MYRIP: variants seen among roughly 807,000 people sequenced by gnomAD.
MYRIP encodes rab effector MyRIP.
In MYRIP, 49 loss-of-function variants were observed where a neutral mutation model predicts 98.0. The ratio of observed to expected loss-of-function variants is 0.50; its 90% confidence interval spans 0.40 to 0.63. The LOEUF is 0.63. Ranked by LOEUF, MYRIP falls within the 30% of genes least tolerant of loss-of-function variation. The pLI, the probability that MYRIP is intolerant of heterozygous loss-of-function variation, is 0.00. For synonymous variants in MYRIP, 404 were observed against 409.5 expected (o/e 0.99, Z 0.16); for missense variants, 1,004 against 1,058.2 (o/e 0.95, Z 0.71).
At chr3:40,160,603 C>T (rs1296103914) in intron 4 of MYRIP, among the ~76,000 whole-genome samples, 1 of 152,212 alleles carries the variant, frequency 6.6e-6, no homozygotes, top group East Asian at 1.9e-4. Context: ...CTCGCTGCCA[C>T]CTTGCAGTTT....
intron 2 of MYRIP, among the ~76,000 whole-genome samples, chr3:39,986,125 A>G (rs560575981): frequency 3.9e-5 from 6 of 152,258 alleles, no homozygotes; most frequent in African/African-American, 1.4e-4. Flanking sequence ...TCACACCTCT[A>G]TTTCTGCACA....
intron 3 of MYRIP, among the ~76,000 whole-genome samples, chr3:40,072,788 G>A (rs1345977560): frequency 1.3e-5 from 2 of 151,656 alleles, no homozygotes; most frequent in Non-Finnish European, 2.9e-5. Context: ...CTTGCTTTGT[G>A]GTCCAGTATA....
rs9857935 is a variant in MYRIP, at chr3:40,182,124, T to C, written c.874-96T>C. On this transcript the variant is annotated intron_variant, in intron 8 of 16. Transcript: ENST00000302541. ...AGCCATTACCATTAAACATGTTTTC[T>C]CCATGCTGGACAATGTCTGCCCCCA... 18,945 of 1,318,558 alleles carry C rather than the reference T, an allele frequency of 0.014. 2,079 individuals are homozygous for C. In the African/African-American group the frequency reaches 0.24, roughly 17 times the overall value. The allele number at this position is 1,318,558 out of a possible 1,614,324, so 81.7% of individuals were successfully genotyped here. A position where few individuals can be genotyped will look rare whatever the true frequency, so the allele number is the denominator to read the frequency against.
chr3:40,120,751 G>C (rs1949385944), intron 3 of MYRIP, among the ~76,000 whole-genome samples: 1 of 152,170 alleles, frequency 6.6e-6, no homozygotes, highest in African/African-American at 2.4e-5. Context: ...TGCAGCTACA[G>C]CAAGAACAGC....
chr3:39,925,628 A>G (rs893290809), intron 2 of MYRIP, among the ~76,000 whole-genome samples: 24 of 152,066 alleles, frequency 1.6e-4, no homozygotes, highest in African/African-American at 5.8e-4. Flanking sequence ...GATGCCCTCT[A>G]GCTGTATCCA....
At chr3:39,995,688 A>C (rs914880161) in intron 2 of MYRIP, among the ~76,000 whole-genome samples, 29 of 152,130 alleles carry the variant, frequency 1.9e-4, no homozygotes, top group Non-Finnish European at 3.8e-4. Flanking sequence ...ACAATGAATG[A>C]CGCAAAGATA....
intron 2 of MYRIP, among the ~76,000 whole-genome samples, chr3:39,940,232 C>T (rs1482528868): frequency 2.6e-5 from 4 of 151,868 alleles, no homozygotes; most frequent in African/African-American, 7.3e-5. Context: ...TTCCTTTATA[C>T]TCTATTGTAT....
chr3:39,948,169 A>G (rs1430508541), intron 2 of MYRIP, among the ~76,000 whole-genome samples: 1 of 152,208 alleles, frequency 6.6e-6, no homozygotes, highest in Admixed American at 6.6e-5. Flanking sequence ...ACCACCAGTC[A>G]GAACAACCTA....
intron 1 of MYRIP, among the ~76,000 whole-genome samples, chr3:39,834,516 T>C (rs1238405537): frequency 1.3e-5 from 2 of 152,182 alleles, no homozygotes; most frequent in Non-Finnish European, 2.9e-5. Flanking sequence ...AAAGAAAGAA[T>C]CTATTGGTAA....
intron 3 of MYRIP, among the ~76,000 whole-genome samples, chr3:40,065,953 C>T (rs1225735940): frequency 6.6e-6 from 1 of 152,150 alleles, no homozygotes; most frequent in Non-Finnish European, 1.5e-5. Flanking sequence ...GGGGCCAATA[C>T]TGGAGAAATG....
At chr3:40,198,386 G>C (rs1037916113) in intron 10 of MYRIP, among the ~76,000 whole-genome samples, 4 of 152,172 alleles carry the variant, frequency 2.6e-5, no homozygotes, top group Non-Finnish European at 5.9e-5. Flanking sequence ...AGAATACTGG[G>C]AGGAGGGTCA....
intron 3 of MYRIP, among the ~76,000 whole-genome samples, chr3:40,117,231 G>T (rs765761254): frequency 6.6e-6 from 1 of 152,136 alleles, no homozygotes; most frequent in African/African-American, 2.4e-5. Context: ...ATCATACACC[G>T]GTTATGTAAA....
At chr3:39,913,009 C>T (rs143095882) in intron 2 of MYRIP, among the ~76,000 whole-genome samples, 84 of 151,872 alleles carry the variant, frequency 5.5e-4, no homozygotes, top group African/African-American at 1.8e-3. Flanking sequence ...CACTGCACTC[C>T]AGCCTGGGTG....
At position 40,081,087 on chromosome 3, in the gene MYRIP, T is replaced by C. The variant is rs530846075; in HGVS notation, c.332+36816T>C. Among the ~76,000 whole-genome samples, 9 of 152,280 alleles carry C rather than the reference T, an allele frequency of 5.9e-5. No individual in the cohort carries two copies. The East Asian group carries it at 1.7e-3, about 29-fold the overall frequency. On this transcript the variant is annotated intron_variant, in intron 3 of 16. Coordinates refer to ENST00000302541, the MANE Select transcript of MYRIP (RefSeq NM_015460.4). ...GCTATTGATTTCAAACTTTATTGCATTGTCCTCAGAGACTGTGGCCTGTAT... is the reference window on the plus strand; with the variant it reads ...GCTATTGATTTCAAACTTTATTGCACTGTCCTCAGAGACTGTGGCCTGTAT...
intron 2 of MYRIP, among the ~76,000 whole-genome samples, chr3:39,974,753 A>T (rs141119480): frequency 6.6e-6 from 1 of 152,320 alleles, no homozygotes; most frequent in Non-Finnish European, 1.5e-5. Flanking sequence ...ACATATGCAA[A>T]TCAATAAACA....
chr3:40,165,208 C>T (rs760574748), intron 5 of MYRIP, among the ~76,000 whole-genome samples: 16 of 152,188 alleles, frequency 1.1e-4, no homozygotes, highest in Non-Finnish European at 2.1e-4. Context: ...GTGTGCAGAG[C>T]CCTGGGCTGG....
At chr3:40,100,784 C>T (rs1393513797) in intron 3 of MYRIP, among the ~76,000 whole-genome samples, 3 of 152,206 alleles carry the variant, frequency 2.0e-5, no homozygotes, top group Non-Finnish European at 4.4e-5. Context: ...TAGGAAATTT[C>T]ATTGTGTAAG....
rs191532567 is a variant in MYRIP at position 40,035,474 on chromosome 3, C to G, written c.111-8576C>G. On this transcript the variant is annotated intron_variant, in intron 2 of 16. Transcript: ENST00000302541. ...CTGGAGATTATCTTAATCAAAATGA[C>G]AAACCATGAAAGCAAAGGACCTACC... Among the ~76,000 whole-genome samples, 31 of 151,890 alleles carry G rather than the reference C, an allele frequency of 2.0e-4. No homozygotes were observed. The East Asian group carries it at 6.0e-3, about 29-fold the overall frequency.
intron 2 of MYRIP, among the ~76,000 whole-genome samples, chr3:39,941,617 C>T (rs1944787362): frequency 6.6e-6 from 1 of 151,744 alleles, no homozygotes. Context: ...TTATATTAAA[C>T]AGTATCCTGT....
Sources: allele counts gnomAD v4.1 joint callset (sites outside exome capture counted in the v4.1 genomes callset), GRCh38; gene constraint gnomAD v4.1.1; transcripts MANE v1.5; gene names NCBI Gene and HGNC (gene_info 2026-07-23, HGNC 2026-07-21).